PRAG1: variants seen among roughly 807,000 people sequenced by gnomAD.
The protein encoded by PRAG1 is PEAK1 related, kinase-activating pseudokinase 1.
PRAG1 carries 110 observed loss-of-function variants against 95.6 expected under a neutral mutation model. That is an observed-to-expected ratio of 1.15 (90% CI 0.99 to 1.35). PRAG1 has a LOEUF of 1.35. PRAG1 is among the 40% of genes most tolerant of loss of function. PRAG1 has a pLI of 0.00. For missense variants in PRAG1, 2,554 were observed against 1,864.7 expected (o/e 1.37, Z -6.81); for synonymous variants, 1,052 against 819.4 (o/e 1.28, Z -4.85).
At chr8:8,357,943 A>G (rs943767070) in intron 3 of PRAG1, among the ~76,000 whole-genome samples, 2 of 152,236 alleles carry the variant, frequency 1.3e-5, no homozygotes, top group Admixed American at 6.5e-5. Flanking sequence ...CAAGCAATCA[A>G]TTCTGCAGCA....
At chr8:8,327,619 G>A in intron 5 of PRAG1, 91 bp downstream of exon 5, 6 of 1,406,060 alleles carry the variant, frequency 4.3e-6, no homozygotes, top group Non-Finnish European at 5.8e-6. Flanking sequence ...CTAATGCCCA[G>A]ACAGGTGAAA....
In PRAG1 at chr8:8,371,255, G is replaced by C. The variant is rs1054470612; in HGVS notation, c.2162+4992C>G. Among the ~76,000 whole-genome samples, 6 of 151,666 alleles carry C rather than the reference G, an allele frequency of 4.0e-5. No individual in the cohort carries two copies. The South Asian group carries it at 6.2e-4, about 16-fold the overall frequency. On this transcript the variant is annotated intron_variant, in intron 3 of 5. Transcript: ENST00000615670. ...TGTGGGTTAAAATTGAAATTCAATT[G>C]AGCGAAAACTTTCTTTTTTTTTTGA...
At chr8:8,346,950 T>C (rs1799362858) in intron 3 of PRAG1, among the ~76,000 whole-genome samples, 1 of 152,198 alleles carries the variant, frequency 6.6e-6, no homozygotes, top group Non-Finnish European at 1.5e-5. Context: ...TGCTGGCTCT[T>C]GGGATTGGTC....
Position 8,371,557 on chromosome 8 carries a change from C to A in PRAG1, c.2162+4690G>T, listed in dbSNP as rs146995814. Among the ~76,000 whole-genome samples, 152 of 152,182 alleles carry A rather than the reference C, an allele frequency of 1.0e-3. 1 individual carries two copies. The Middle Eastern group carries it at 0.024, about 24-fold the overall frequency. The stretch of plus-strand genomic sequence containing the variant: ...TACAGGTGTGAGCCACCGCGCCCGA[C>A]CATGAGTGATAACTTTCAAACAAAG... On this transcript the variant is annotated intron_variant, in intron 3 of 5. Transcript: ENST00000615670.
At chr8:8,366,629 C>G (rs975507200) in intron 3 of PRAG1, among the ~76,000 whole-genome samples, 1 of 151,960 alleles carries the variant, frequency 6.6e-6, no homozygotes, top group East Asian at 1.9e-4. Flanking sequence ...CTCTTAAACT[C>G]TTGAATTACT....
At chr8:8,375,203 T>TG (rs1563254496) in intron 3 of PRAG1, among the ~76,000 whole-genome samples, 1 of 124,936 alleles carries the variant, frequency 8.0e-6, no homozygotes, top group Non-Finnish European at 1.6e-5. Context: ...TTTTTTTCTT[T>TG]GTTTTTTTTT....
Position 8,376,533 on chromosome 8 carries a change from G to A in PRAG1, c.1876C>T (p.Pro626Ser), listed in dbSNP as rs901087629. 1.2e-6 allele frequency: 2 copies of A among 1,609,564 alleles called. No individual in the cohort carries two copies. The highest frequency in any genetic ancestry group is 2.2e-5 in the East Asian group (1 of 44,780). ...CTCCAGGTGCCTGCCTGGAACCTGGGCCGCCTCTGTTCCGAGGCTGACGAG... is the reference window on the plus strand; with the variant it reads ...CTCCAGGTGCCTGCCTGGAACCTGGACCGCCTCTGTTCCGAGGCTGACGAG... ...AASSASEQRR[P>S]RFQAGTWSRQ... The change falls in exon 3 of 6, where the codon CCC (proline) becomes TCC (serine). Residue 626 changes from proline to serine, a missense_variant. Transcript: ENST00000615670.
intron 1 of PRAG1, among the ~76,000 whole-genome samples, chr8:8,382,086 G>A (rs1044208091): frequency 1.3e-4 from 20 of 152,022 alleles, no homozygotes; most frequent in East Asian, 3.9e-4. Context: ...AAGACATTTC[G>A]GTCCCCTAAA....
intron 3 of PRAG1, 108 bp from the exon 4 acceptor site, chr8:8,339,743 G>A: frequency 1.8e-6 from 2 of 1,092,452 alleles, no homozygotes; most frequent in Admixed American, 2.5e-5. Context: ...GCCAATGTCA[G>A]CAAGTTTATT....
At chr8:8,339,782 C>G in intron 3 of PRAG1, 147 bp from the exon 4 acceptor site, 1 of 720,654 alleles carries the variant, frequency 1.4e-6, no homozygotes, top group Non-Finnish European at 2.2e-6. Flanking sequence ...TTTGGGGAGA[C>G]AGTAGAGGTT....
chr8:8,324,011 AG>A, intron 5 of PRAG1, among the ~76,000 whole-genome samples: 1 of 152,242 alleles, frequency 6.6e-6, no homozygotes, highest in Non-Finnish European at 1.5e-5. Context: ...GGGCAGGGAT[AG>A]TCCTTCCTCG....
chr8:8,354,537 G>C (rs980873512), intron 3 of PRAG1, among the ~76,000 whole-genome samples: 1 of 152,130 alleles, frequency 6.6e-6, no homozygotes, highest in African/African-American at 2.4e-5. Flanking sequence ...TCTCAATAAA[G>C]TATTGCAGAC....
In PRAG1 at chr8:8,318,362, T is replaced by C; in HGVS notation, c.4013A>G (p.Gln1338Arg). The C allele has an allele frequency of 6.2e-7, 1 of 1,613,818 alleles. No homozygotes were observed. The highest frequency in any genetic ancestry group is 8.5e-7 in the Non-Finnish European group (1 of 1,179,828). ...CGCCTCCTCCGAGGTGCCCGGCTGCTGCACCAGCTCGCGCCGAGGCCCCCA... is the reference window on the plus strand; with the variant it reads ...CGCCTCCTCCGAGGTGCCCGGCTGCCGCACCAGCTCGCGCCGAGGCCCCCA... Reference protein sequence around the residue: ...LLWGPRRELVQQPGTSEEALC... With the variant: ...LLWGPRRELVRQPGTSEEALC... Residue 1338 changes from glutamine (Q) to arginine (R), a missense_variant, in exon 6 of 6, where the codon CAG (glutamine) becomes CGG (arginine). Transcript: ENST00000615670. The surrounding 1 kb of genome is among the most constrained non-coding windows in gnomAD (Gnocchi z 4.2).
chr8:8,381,318 G>A lies in PRAG1; in HGVS notation c.330+100C>T, dbSNP rs1030362008. ...AAACTGACAGGAAGCTATCCTGCAGGTTTCTTGCTGGAACAGCCCTCCCTG... is the reference window on the plus strand; with the variant it reads ...AAACTGACAGGAAGCTATCCTGCAGATTTCTTGCTGGAACAGCCCTCCCTG... On this transcript the variant is annotated intron_variant, in intron 2 of 5. Coordinates refer to ENST00000615670, the MANE Select transcript of PRAG1 (RefSeq NM_001080826.3). 5 of 1,212,166 alleles carry A rather than the reference G, an allele frequency of 4.1e-6. No individual in the cohort carries two copies. The East Asian group carries it at 7.3e-5, about 18-fold the overall frequency. 75.1% of individuals were successfully genotyped at this position (1,212,166 alleles called of 1,614,324 possible).
At position 8,325,491 on chromosome 8, in the gene PRAG1, T is replaced by C. The variant is rs183267974; in HGVS notation, c.3072+2219A>G. ...CTAATGAAATAAGGAGCAACACTTG[T>C]TTTTAACATTCTTAAGGAAAGTTAA... On this transcript the variant is annotated intron_variant, in intron 5 of 5. Coordinates refer to ENST00000615670, the MANE Select transcript of PRAG1 (RefSeq NM_001080826.3). Among the ~76,000 whole-genome samples, 419 of 152,344 alleles carry C rather than the reference T, an allele frequency of 2.8e-3. 3 individuals carry two copies. Among genetic ancestry groups the C allele is most frequent in the Non-Finnish European group, 4.2e-3 (283 of 68,032 alleles).
intron 2 of PRAG1, among the ~76,000 whole-genome samples, chr8:8,380,625 G>A (rs565964210): frequency 6.6e-6 from 1 of 152,164 alleles, no homozygotes; most frequent in African/African-American, 2.4e-5. Flanking sequence ...GAAGGCCGAG[G>A]TGGGCAGATC....
chr8:8,381,898 A>C, intron 1 of PRAG1, 64 bp from the exon 2 acceptor site: 2 of 599,458 alleles, frequency 3.3e-6, no homozygotes, highest in Non-Finnish European at 5.8e-6. Flanking sequence ...TGCATTATCA[A>C]TTAGAGTCTC....
rs1440451994 is a variant in PRAG1, at chr8:8,377,344, G to T, written c.1065C>A (p.Ser355Arg). Residue 355 changes from serine to arginine, a missense_variant, in exon 3 of 6, where the codon AGC becomes AGA. Physicochemically the swap from Ser to Arg is moderately radical, Grantham distance 110. Transcript: ENST00000615670. ...CACTCTCGAGGTGGGGGACGAAGGG[G>T]CTACTGGCGCCGCTGCCGCTGCCGC... is the stretch of plus-strand genomic sequence containing the variant. ...SGSGSGSGAS[S>R]PFVPHLESDY... is the part of the protein sequence containing the mutation. 1.3e-6 allele frequency: 2 copies of T among 1,591,278 alleles called. No homozygotes were observed. The highest frequency in any genetic ancestry group is 8.6e-7 in the Non-Finnish European group (1 of 1,168,678).
chr8:8,382,331 T>C (rs1277422754), intron 1 of PRAG1, among the ~76,000 whole-genome samples: 1 of 152,240 alleles, frequency 6.6e-6, no homozygotes, highest in East Asian at 1.9e-4. Context: ...GGGAGGCAGC[T>C]TTAGGCCCTG....
Sources: gnomAD v4.1 joint callset for allele counts (sites outside exome capture counted in the v4.1 genomes callset) on GRCh38, gnomAD v4.1.1 for gene constraint, Gnocchi (gnomAD v3.1) non-coding constraint, MANE v1.5 for transcripts, NCBI Gene and HGNC (gene_info 2026-07-23, HGNC 2026-07-21) for gene names.